Variants in SAMD5 observed in about 807,000 individuals in gnomAD.
The protein encoded by SAMD5 is sterile alpha motif domain containing 5, also known as sterile alpha motif domain-containing protein 5.
A neutral mutation model predicts 11.3 loss-of-function variants in SAMD5; 13 were observed. The ratio of observed to expected loss-of-function variants is 1.15; its 90% confidence interval spans 0.75 to 1.83. SAMD5 has a LOEUF of 1.83. Among genes scored for constraint, SAMD5 ranks in the 40% most tolerant of loss-of-function variants. The pLI is 0.00. For missense variants in SAMD5, 255 were observed against 239.1 expected, an observed-to-expected ratio of 1.07 and a Z score of -0.44; for synonymous variants, 129 against 111.3, an observed-to-expected ratio of 1.16 and a Z score of -1.00.
intron 1 of SAMD5, among the ~76,000 whole-genome samples, chr6:147,601,346 T>TA (rs1270634290): frequency 6.6e-6 from 1 of 152,134 alleles, no homozygotes; most frequent in Non-Finnish European, 1.5e-5. Flanking sequence ...CAGATTTTTT[T>TA]TTTTTGCTGG....
intron 1 of SAMD5, among the ~76,000 whole-genome samples, chr6:147,516,032 A>G (rs1279675783): frequency 1.3e-5 from 2 of 152,184 alleles, no homozygotes; most frequent in Non-Finnish European, 2.9e-5. Flanking sequence ...CACCAAGGAC[A>G]CAAAATTGAA....
chr6:147,940,705 A>G, the SAMD5 span, among the ~76,000 whole-genome samples: 34,910 of 151,942 alleles, frequency 0.23, 4,550 homozygotes, highest in African/African-American at 0.35. Flanking sequence ...GCTCACACCT[A>G]GAATCCCAGT....
chr6:147,600,981 CA>C (rs749516610), intron 1 of SAMD5, among the ~76,000 whole-genome samples: 4 of 152,162 alleles, frequency 2.6e-5, no homozygotes, highest in Admixed American at 1.3e-4. Flanking sequence ...GTAGAATCTT[CA>C]AAAACACAGG....
At chr6:147,947,680 T>C in the SAMD5 span, among the ~76,000 whole-genome samples, 2 of 152,192 alleles carry the variant, frequency 1.3e-5, no homozygotes, top group Non-Finnish European at 2.9e-5. Flanking sequence ...TTTTTCTTTT[T>C]TCTGAGAGCT....
chr6:147,529,420 A>C (rs1461379518), intron 1 of SAMD5, among the ~76,000 whole-genome samples: 2 of 152,198 alleles, frequency 1.3e-5, no homozygotes, highest in Non-Finnish European at 2.9e-5. Flanking sequence ...TTTAAATGTA[A>C]TTTAGGTGTA....
the SAMD5 span, among the ~76,000 whole-genome samples, chr6:147,940,613 C>T: frequency 6.6e-6 from 1 of 152,146 alleles, no homozygotes; most frequent in Non-Finnish European, 1.5e-5. Context: ...TTCTGCTTTA[C>T]CACAAAAACT....
At chr6:147,575,790 A>G (rs1789208896) in intron 1 of SAMD5, among the ~76,000 whole-genome samples, 1 of 152,204 alleles carries the variant, frequency 6.6e-6, no homozygotes, top group South Asian at 2.1e-4. Context: ...GATACACAAT[A>G]CATACCGGTT....
the SAMD5 span, among the ~76,000 whole-genome samples, chr6:147,745,990 TCTC>T: frequency 1.3e-5 from 2 of 152,048 alleles, no homozygotes; most frequent in Non-Finnish European, 2.9e-5. Context: ...CATCTGCGCT[TCTC>T]GGCCTCCCAG....
At chr6:147,770,068 C>T in the SAMD5 span, among the ~76,000 whole-genome samples, 2 of 152,076 alleles carry the variant, frequency 1.3e-5, no homozygotes, top group Non-Finnish European at 2.9e-5. Context: ...TTAGTTGGAA[C>T]CAACAGATGA....
At chr6:147,713,089 A>C (rs1171405117) in intron 1 of SAMD5, among the ~76,000 whole-genome samples, 1 of 151,796 alleles carries the variant, frequency 6.6e-6, no homozygotes, top group East Asian at 1.9e-4. Flanking sequence ...TACTTAAAGG[A>C]AAGAATGTTT....
At chr6:147,858,695 A>T in the SAMD5 span, among the ~76,000 whole-genome samples, 1 of 152,196 alleles carries the variant, frequency 6.6e-6, no homozygotes, top group Non-Finnish European at 1.5e-5. Flanking sequence ...AGGCCTTAGA[A>T]ATATTTAAGC....
At chr6:147,780,317 C>T in the SAMD5 span, among the ~76,000 whole-genome samples, 1 of 152,000 alleles carries the variant, frequency 6.6e-6, no homozygotes, top group Non-Finnish European at 1.5e-5. Context: ...AAGCAATTCT[C>T]CTGCCTCAGC....
intron 1 of SAMD5, among the ~76,000 whole-genome samples, chr6:147,685,084 C>G (rs1425748411): frequency 6.6e-6 from 1 of 152,164 alleles, no homozygotes; most frequent in East Asian, 1.9e-4. Context: ...CTTTTCTATG[C>G]CTTGGCAAAT....
chr6:147,903,856 C>T, the SAMD5 span, among the ~76,000 whole-genome samples: 9 of 151,250 alleles, frequency 6.0e-5, no homozygotes, highest in East Asian at 7.8e-4. Context: ...TGCAGTGAGC[C>T]GAGATCATGC....
chr6:147,520,925 A>G (rs960817754), intron 1 of SAMD5, among the ~76,000 whole-genome samples: 1 of 152,104 alleles, frequency 6.6e-6, no homozygotes, highest in African/African-American at 2.4e-5. Flanking sequence ...GTTATTATTA[A>G]CTGTAGTTCC....
chr6:147,954,439 G>A, the SAMD5 span, among the ~76,000 whole-genome samples: 1 of 152,128 alleles, frequency 6.6e-6, no homozygotes, highest in Non-Finnish European at 1.5e-5. Flanking sequence ...TGACACGGTA[G>A]CCATTGGAAC....
the SAMD5 span, among the ~76,000 whole-genome samples, chr6:147,807,185 C>T: frequency 3.3e-4 from 50 of 152,102 alleles, no homozygotes; most frequent in East Asian, 6.4e-3. Context: ...CTGCAAGCTC[C>T]GCCTCCCAGG....
chr6:147,721,618 G>A lies in SAMD5; in HGVS notation c.163-15699G>A, dbSNP rs532013762. On this transcript the variant is annotated intron_variant, in intron 1 of 1. Coordinates refer to the SAMD5 transcript ENST00000566741. ...ATATTAGCCCTTTGTCAGATAAGTA[G>A]GTTGCGAAAATTTTCTCCCATTTTG... Among the ~76,000 whole-genome samples, 136 of 152,182 alleles carry A rather than the reference G, an allele frequency of 8.9e-4. 4 individuals carry two copies. The South Asian group carries it at 0.026, about 29-fold the overall frequency.
At chr6:147,646,130 C>G (rs1292454062) in intron 1 of SAMD5, among the ~76,000 whole-genome samples, 1 of 152,006 alleles carries the variant, frequency 6.6e-6, no homozygotes, top group African/African-American at 2.4e-5. Flanking sequence ...GAGGTGCCAA[C>G]CCCCTGTGCA....
Sources: gnomAD v4.1 joint callset for allele counts (sites outside exome capture counted in the v4.1 genomes callset) on GRCh38, gnomAD v4.1.1 for gene constraint, MANE v1.5 for transcripts, NCBI Gene and HGNC (gene_info 2026-07-23, HGNC 2026-07-21) for gene names.